Variants in AIDA observed in about 807,000 individuals in gnomAD.
AIDA encodes the protein axin interactor, dorsalization-associated protein.
In AIDA, 18 loss-of-function variants were observed where a neutral mutation model predicts 42.7. That is an observed-to-expected ratio of 0.42 (90% CI 0.29 to 0.63). AIDA has a LOEUF of 0.63. AIDA is among the 20% of genes least tolerant of loss of function. AIDA has a pLI of 0.19. For synonymous variants in AIDA, 104 were observed against 122.9 expected (o/e 0.85, Z 1.02); for missense variants, 250 against 354.1 (o/e 0.71, Z 2.36).
rs1228930623 is a variant in AIDA at position 222,707,311 on chromosome 1, C to A, written c.111-4094G>T. Among the ~76,000 whole-genome samples, 4 of 152,048 alleles carry A rather than the reference C, an allele frequency of 2.6e-5. No homozygotes were observed. In the East Asian group the frequency reaches 7.7e-4, roughly 29 times the overall value. On this transcript the variant is annotated intron_variant, in intron 1 of 9. Transcript: ENST00000340020. ...TAGCTGAGACCACAGGCGTGTACCA[C>A]CACACAAGGCTAATTTTTGTGTGTT...
intron 1 of AIDA, among the ~76,000 whole-genome samples, chr1:222,705,233 T>G (rs1036212858): frequency 6.6e-6 from 1 of 152,260 alleles, no homozygotes; most frequent in African/African-American, 2.4e-5. Flanking sequence ...AAAATGTCAT[T>G]CATAGACTCA....
intron 1 of AIDA, among the ~76,000 whole-genome samples, chr1:222,710,967 A>G (rs1334606918): frequency 6.6e-6 from 1 of 152,178 alleles, no homozygotes; most frequent in African/African-American, 2.4e-5. Flanking sequence ...CAAAGTCAGT[A>G]CCTACACATT....
intron 8 of AIDA, among the ~76,000 whole-genome samples, chr1:222,673,061 G>C (rs1390296486): frequency 2.6e-5 from 4 of 152,096 alleles, no homozygotes; most frequent in Non-Finnish European, 5.9e-5. Flanking sequence ...GAAAAACTTT[G>C]TTTTGTTGGT....
intron 4 of AIDA, among the ~76,000 whole-genome samples, chr1:222,689,544 TATATAC>T (rs1655306241): frequency 2.3e-5 from 2 of 86,824 alleles, no homozygotes; most frequent in African/African-American, 4.2e-5. Flanking sequence ...CACACACATA[TATATAC>T]ATATATATGT....
chr1:222,689,421 C>T (rs1368140989), intron 4 of AIDA, among the ~76,000 whole-genome samples: 1 of 145,924 alleles, frequency 6.9e-6, no homozygotes, highest in Non-Finnish European at 1.5e-5. Context: ...GCCTGGTCAA[C>T]AGAGCCAGAC....
Position 222,670,150 on chromosome 1 carries a change from C to T in AIDA, c.807G>A (p.Gly269=). 6.2e-7 allele frequency: 1 copy of T among 1,613,828 alleles called. No individual in the cohort carries two copies. Among genetic ancestry groups the T allele is most frequent in the South Asian group, 1.1e-5 (1 of 91,074 alleles). ...TCACTTACAGTTCTATTACAATTGG[C>T]CCAGGTTTAATTTCATCCATCTCCA... The part of the protein sequence containing the change: ...AFMEMDEIKP[G]PIVIELYKKP... The change falls in exon 9 of 10, where the codon GGG becomes GGA. Residue 269 remains glycine (G), a synonymous_variant. Coordinates refer to ENST00000340020, the MANE Select transcript of AIDA (RefSeq NM_022831.4).
intron 1 of AIDA, among the ~76,000 whole-genome samples, chr1:222,704,606 C>G (rs1655791869): frequency 6.6e-6 from 1 of 151,944 alleles, no homozygotes; most frequent in Non-Finnish European, 1.5e-5. Context: ...CAGACTAGAT[C>G]AATCCACAGA....
chr1:222,670,327 G>A (rs1056049317), intron 8 of AIDA, 77 bp from the exon 9 acceptor site: 1 of 1,156,868 alleles, frequency 8.6e-7, no homozygotes, highest in Non-Finnish European at 1.3e-6. Flanking sequence ...TTGATCACCA[G>A]AAGCATATGA....
chr1:222,700,107 T>C (rs769745517), intron 2 of AIDA, among the ~76,000 whole-genome samples: 1 of 152,156 alleles, frequency 6.6e-6, no homozygotes, highest in African/African-American at 2.4e-5. Context: ...ATTCACAATG[T>C]AGTATACAGT....
intron 7 of AIDA, among the ~76,000 whole-genome samples, chr1:222,674,172 T>C (rs1262832290): frequency 6.6e-6 from 1 of 152,010 alleles, no homozygotes; most frequent in Non-Finnish European, 1.5e-5. Flanking sequence ...TAAGAGGAAA[T>C]TCTTGGGCTA....
Position 222,676,171 on chromosome 1 carries a change from T to C in AIDA, c.508A>G (p.Thr170Ala). ...AAACCAATTTTCTCAATTCTGATAG[T>C]GAGTAATGTCATTCCTGGTTCCGAT... ...LPSEPGMTLL[T>A]IRIEKIGLKD... Residue 170 changes from threonine to alanine, a missense_variant, in exon 7 of 10, where the codon ACT (threonine) becomes GCT (alanine). Transcript: ENST00000340020. The C allele has an allele frequency of 6.2e-7, 1 of 1,613,198 alleles. No individual in the cohort carries two copies. Among genetic ancestry groups the C allele is most frequent in the Non-Finnish European group, 8.5e-7 (1 of 1,179,642 alleles).
intron 2 of AIDA, among the ~76,000 whole-genome samples, chr1:222,700,983 G>GGGGA (rs35424886): frequency 3.2e-5 from 4 of 126,488 alleles, no homozygotes; most frequent in African/African-American, 9.4e-5. Flanking sequence ...GGGGGGGGGG[G>GGGGA]ACAGGGTCTC....
chr1:222,712,159 G>A (rs1260950930), intron 1 of AIDA, 49 bp downstream of exon 1: 3 of 1,553,462 alleles, frequency 1.9e-6, no homozygotes, highest in South Asian at 2.4e-5. Flanking sequence ...ACAAGGGAGA[G>A]GCGCACGACT....
intron 6 of AIDA, among the ~76,000 whole-genome samples, chr1:222,677,322 G>A (rs1340690425): frequency 1.3e-5 from 2 of 152,010 alleles, no homozygotes; most frequent in African/African-American, 4.8e-5. Context: ...TTATCCATAG[G>A]TTCTCTTTCA....
At chr1:222,675,805 A>T (rs552410606) in intron 7 of AIDA, among the ~76,000 whole-genome samples, 1 of 152,358 alleles carries the variant, frequency 6.6e-6, no homozygotes, top group South Asian at 2.1e-4. Context: ...GCTGTTAAAG[A>T]TGTGTAGCCA....
chr1:222,709,986 A>C (rs537432576), intron 1 of AIDA, among the ~76,000 whole-genome samples: 1 of 152,216 alleles, frequency 6.6e-6, no homozygotes, highest in South Asian at 2.1e-4. Flanking sequence ...TATGGCGATA[A>C]GATTGCTGCC....
Position 222,685,532 on chromosome 1 carries a change from C to T in AIDA, c.460+1398G>A, listed in dbSNP as rs528891147. On this transcript the variant is annotated intron_variant, in intron 6 of 9. Transcript: ENST00000340020. ...TGAACAGCACACAGATTGTATTTAA[C>T]TATAATGGAAAGCTTCTAGAATCTC... Among the ~76,000 whole-genome samples the T allele has an allele frequency of 5.3e-5, 8 of 152,314 alleles. No homozygotes were observed. The South Asian group carries it at 1.7e-3, about 32-fold the overall frequency.
intron 4 of AIDA, among the ~76,000 whole-genome samples, chr1:222,689,681 T>C (rs1655317648): frequency 6.7e-6 from 1 of 148,414 alleles, no homozygotes. Flanking sequence ...TACAAAAGAG[T>C]CAAAAGTTTT....
intron 9 of AIDA, 41 bp from the exon 10 acceptor site, chr1:222,670,030 A>G (rs1664416922): frequency 6.2e-7 from 1 of 1,612,868 alleles, no homozygotes; most frequent in Admixed American, 1.7e-5. Context: ...AAATACATTG[A>G]TAACTGAACT....
Sources: allele counts gnomAD v4.1 joint callset (sites outside exome capture counted in the v4.1 genomes callset), GRCh38; gene constraint gnomAD v4.1.1; transcripts MANE v1.5; gene names NCBI Gene and HGNC (gene_info 2026-07-23, HGNC 2026-07-21).